ZNF676: variants seen among roughly 807,000 people sequenced by gnomAD.
ZNF676 encodes the protein zinc finger protein 676.
In ZNF676, 4 loss-of-function variants were observed where a neutral mutation model predicts 6.0. The observed-to-expected ratio is 0.67, with a 90% CI of 0.33 to 1.53. ZNF676 has a LOEUF of 1.53. Ranked by LOEUF, ZNF676 falls within the 40% of genes most tolerant of loss-of-function variation. The probability of loss-of-function intolerance (pLI) is 0.06; values close to 1 mark genes in which losing one functional copy is unlikely to be tolerated. For synonymous variants in ZNF676, 198 were observed against 223.1 expected, an observed-to-expected ratio of 0.89 and a Z score of 1.00; for missense variants, 644 against 679.7, an observed-to-expected ratio of 0.95 and a Z score of 0.58.
At chr19:22,200,740 C>T (rs748686479), upstream of ZNF676, among the ~76,000 whole-genome samples, 5 of 151,876 alleles carry the variant, frequency 3.3e-5, no homozygotes, top group Middle Eastern at 3.2e-3. Flanking sequence ...GGTGAAATCC[C>T]TATTTCACCA....
chr19:22,199,773 A>G (rs1298354383), upstream of ZNF676, among the ~76,000 whole-genome samples: 1 of 152,242 alleles, frequency 6.6e-6, no homozygotes, highest in African/African-American at 2.4e-5. Flanking sequence ...AAAACAGAAC[A>G]GAAAACAGAA....
chr19:22,246,955 CT>C, the ZNF676 span, among the ~76,000 whole-genome samples: 1 of 152,316 alleles, frequency 6.6e-6, no homozygotes, highest in Non-Finnish European at 1.5e-5. Context: ...CTCTAATAAA[CT>C]TGCTTTCATT....
chr19:22,200,331 A>G (rs1337291128), upstream of ZNF676, among the ~76,000 whole-genome samples: 3 of 152,070 alleles, frequency 2.0e-5, no homozygotes, highest in Admixed American at 2.0e-4. Flanking sequence ...CAACTCTTCC[A>G]ATTATAAGTT....
rs1287536436 is a variant in ZNF676, at chr19:22,196,605, A to T, written c.29T>A (p.Phe10Tyr). ...CGTATTAAAGTTATTCTCACCCAGGAAGACCAGGTTTCTGTAGTTCTCTAA... is the reference window on the plus strand; with the variant it reads ...CGTATTAAAGTTATTCTCACCCAGGTAGACCAGGTTTCTGTAGTTCTCTAA... Reference protein sequence around the residue: MLENYRNLVFLGIAAFKPDL... With the variant: MLENYRNLVYLGIAAFKPDL... Residue 10 changes from phenylalanine to tyrosine, a missense_variant, in exon 1 of 3, where the codon TTC (phenylalanine) becomes TAC (tyrosine). Coordinates refer to ENST00000397121, the MANE Select transcript of ZNF676 (RefSeq NM_001001411.3). The T allele has an allele frequency of 6.2e-7, 1 of 1,613,776 alleles. No homozygotes were observed. Among genetic ancestry groups the T allele is most frequent in the South Asian group, 1.1e-5 (1 of 91,074 alleles).
chr19:22,226,346 TC>T, the ZNF676 span, among the ~76,000 whole-genome samples: 30 of 152,066 alleles, frequency 2.0e-4, no homozygotes, highest in African/African-American at 7.2e-4. Context: ...GTTTATTACC[TC>T]CTCTATTTCA....
intron 1 of ZNF676, among the ~76,000 whole-genome samples, chr19:22,210,170 T>C (rs1158520753): frequency 6.6e-6 from 1 of 152,208 alleles, no homozygotes; most frequent in Non-Finnish European, 1.5e-5. Flanking sequence ...AGTTTCATTC[T>C]AGGCCAGGAG....
At chr19:22,250,337 C>T in the ZNF676 span, among the ~76,000 whole-genome samples, 2 of 151,896 alleles carry the variant, frequency 1.3e-5, no homozygotes, top group African/African-American at 2.4e-5. Flanking sequence ...AAAAAAAAGA[C>T]AGGAGACAAA....
chr19:22,181,813 GC>G (rs2023758115), intron 2 of ZNF676, among the ~76,000 whole-genome samples: 1 of 151,938 alleles, frequency 6.6e-6, no homozygotes, highest in Admixed American at 6.6e-5. Context: ...CCTCAATTAA[GC>G]CCAATGCAAA....
chr19:22,231,685 C>T, the ZNF676 span, among the ~76,000 whole-genome samples: 1 of 149,114 alleles, frequency 6.7e-6, no homozygotes, highest in African/African-American at 2.5e-5. Context: ...TCACTGCAAC[C>T]TCTGCCTCCT....
chr19:22,233,397 A>C, the ZNF676 span, among the ~76,000 whole-genome samples: 2 of 152,078 alleles, frequency 1.3e-5, no homozygotes, highest in East Asian at 1.9e-4. Context: ...ATACATTGTA[A>C]TCTTTGATTG....
At chr19:22,197,952 G>A (rs1211896355), upstream of ZNF676, among the ~76,000 whole-genome samples, 1 of 152,122 alleles carries the variant, frequency 6.6e-6, no homozygotes, top group Non-Finnish European at 1.5e-5. Flanking sequence ...TTTATGGAAA[G>A]TTCAAGATAG....
chr19:22,200,515 ATTTTTTT>A (rs3035052), upstream of ZNF676, among the ~76,000 whole-genome samples: 75 of 105,850 alleles, frequency 7.1e-4, no homozygotes, highest in African/African-American at 2.6e-3. Flanking sequence ...TGCTTCATCA[ATTTTTTT>A]TTTTTTTTTT....
chr19:22,234,442 G>A, the ZNF676 span, among the ~76,000 whole-genome samples: 1 of 152,286 alleles, frequency 6.6e-6, no homozygotes, highest in South Asian at 2.1e-4. Flanking sequence ...TTTGATGATG[G>A]AATGCTGTTG....
intron 1 of ZNF676, among the ~76,000 whole-genome samples, chr19:22,202,814 A>T (rs2024039132): frequency 6.6e-6 from 1 of 152,312 alleles, no homozygotes; most frequent in East Asian, 1.9e-4. Context: ...TGACAAAGTA[A>T]AGCTTTCACA....
At chr19:22,251,786 CAA>C in the ZNF676 span, among the ~76,000 whole-genome samples, 390 of 96,748 alleles carry the variant, frequency 4.0e-3, 1 homozygote, top group African/African-American at 0.015. Context: ...GACTCCATCT[CAA>C]AAAAAAAAAA....
At chr19:22,260,291 A>G in the ZNF676 span, among the ~76,000 whole-genome samples, 1 of 152,122 alleles carries the variant, frequency 6.6e-6, no homozygotes, top group African/African-American at 2.4e-5. Flanking sequence ...TAGACGGATC[A>G]CCTGAGGTCA....
At chr19:22,195,977 T>C (rs1175183810) in intron 1 of ZNF676, among the ~76,000 whole-genome samples, 2 of 152,098 alleles carry the variant, frequency 1.3e-5, no homozygotes, top group Non-Finnish European at 2.9e-5. Context: ...CACAAACATC[T>C]CATATGTAGT....
rs554811569 is a variant in ZNF676, at chr19:22,190,984, C to T, written c.130+2032G>A. On this transcript the variant is annotated intron_variant, in intron 2 of 2. Coordinates refer to ENST00000397121, the MANE Select transcript of ZNF676 (RefSeq NM_001001411.3). ...AAAAGGTCCCCTATTTGCTTAACCCCCAACAGCAAGAAAGTCTGTCAGTCA... is the reference window on the plus strand; with the variant it reads ...AAAAGGTCCCCTATTTGCTTAACCCTCAACAGCAAGAAAGTCTGTCAGTCA... Among the ~76,000 whole-genome samples, 381 of 152,064 alleles carry T rather than the reference C, an allele frequency of 2.5e-3. 4 individuals carry two copies. The highest frequency in any genetic ancestry group is 3.4e-3 in the Middle Eastern group (1 of 292).
At chr19:22,229,760 A>C in the ZNF676 span, among the ~76,000 whole-genome samples, 2 of 152,218 alleles carry the variant, frequency 1.3e-5, no homozygotes, top group African/African-American at 4.8e-5. Context: ...GCTCACTGTC[A>C]CTAGTCATGA....
Sources: allele counts gnomAD v4.1 joint callset (sites outside exome capture counted in the v4.1 genomes callset), GRCh38; gene constraint gnomAD v4.1.1; transcripts MANE v1.5; gene names NCBI Gene and HGNC (gene_info 2026-07-23, HGNC 2026-07-21).